SORCS3: variants seen among roughly 807,000 people sequenced by gnomAD.
The protein encoded by SORCS3 is sortilin related VPS10 domain containing receptor 3.
A neutral mutation model predicts 146.3 loss-of-function variants in SORCS3; 57 were observed. The observed-to-expected ratio is 0.39, with a 90% CI of 0.31 to 0.49. The LOEUF is 0.49. SORCS3 is among the 20% of genes least tolerant of loss of function. The pLI is 0.92. For synonymous variants in SORCS3, 653 were observed against 618.5 expected (o/e 1.06, Z -0.83); for missense variants, 1,341 against 1,575.5 (o/e 0.85, Z 2.52).
At position 105,084,875 on chromosome 10, in the gene SORCS3, C is replaced by T. The variant is rs966402244; in HGVS notation, c.1029-4900C>T. Among the ~76,000 whole-genome samples the T allele has an allele frequency of 1.1e-4, 17 of 151,982 alleles. No individual in the cohort carries two copies. In the East Asian group the frequency reaches 1.6e-3, roughly 14 times the overall value. Reference sequence around the variant, plus strand: ...CCTCCCGAGTAGCTGGGACTACAGGCGCCCACCACCATGCCTGGCTGTTTT... The same window carrying T: ...CCTCCCGAGTAGCTGGGACTACAGGTGCCCACCACCATGCCTGGCTGTTTT... On this transcript the variant is annotated intron_variant, in intron 5 of 26. Coordinates refer to ENST00000369701, the MANE Select transcript of SORCS3 (RefSeq NM_014978.3).
intron 9 of SORCS3, among the ~76,000 whole-genome samples, chr10:105,153,941 T>C (rs1204540106): frequency 6.6e-6 from 1 of 151,378 alleles, no homozygotes; most frequent in African/African-American, 2.4e-5. Context: ...ATAGTGACAG[T>C]CACCTATAAT....
At chr10:105,254,381 G>T (rs991699354) in intron 23 of SORCS3, among the ~76,000 whole-genome samples, 1 of 152,200 alleles carries the variant, frequency 6.6e-6, no homozygotes, top group African/African-American at 2.4e-5. Flanking sequence ...AGTGAATTAG[G>T]AGTTGAATGA....
intron 20 of SORCS3, 53 bp downstream of exon 20, chr10:105,223,302 G>C: frequency 6.6e-7 from 1 of 1,515,134 alleles, no homozygotes; most frequent in Non-Finnish European, 8.9e-7. Context: ...ATGCTCCTAT[G>C]TTCCAGCTTT....
chr10:104,921,027 G>T (rs2019081237), intron 3 of SORCS3, among the ~76,000 whole-genome samples: 1 of 152,208 alleles, frequency 6.6e-6, no homozygotes, highest in African/African-American at 2.4e-5. Flanking sequence ...TGAAGATGAG[G>T]AATAGTATAT....
intron 1 of SORCS3, among the ~76,000 whole-genome samples, chr10:104,662,545 A>G (rs1429698040): frequency 6.6e-6 from 1 of 152,232 alleles, no homozygotes; most frequent in African/African-American, 2.4e-5. Flanking sequence ...TACAGAGCCC[A>G]CTTCTCCAAT....
intron 20 of SORCS3, among the ~76,000 whole-genome samples, chr10:105,224,618 G>A (rs1415492620): frequency 2.0e-5 from 3 of 152,080 alleles, no homozygotes; most frequent in Non-Finnish European, 4.4e-5. Context: ...CATGATTTCT[G>A]GATCTTATGG....
At chr10:104,650,964 T>C (rs373142221) in intron 1 of SORCS3, among the ~76,000 whole-genome samples, 1 of 152,240 alleles carries the variant, frequency 6.6e-6, no homozygotes, top group East Asian at 1.9e-4. Flanking sequence ...TAAAAATCTG[T>C]TCTCAGTGGG....
chr10:104,752,041 CTT>C (rs1204062413), intron 1 of SORCS3, among the ~76,000 whole-genome samples: 1 of 130,150 alleles, frequency 7.7e-6, no homozygotes, highest in Non-Finnish European at 1.6e-5. Flanking sequence ...AGTCTTAAAA[CTT>C]TTTTTTTTTG....
intron 3 of SORCS3, among the ~76,000 whole-genome samples, chr10:104,948,757 A>G (rs1047028917): frequency 3.9e-5 from 6 of 152,216 alleles, no homozygotes; most frequent in African/African-American, 1.4e-4. Flanking sequence ...GGGGTTATCA[A>G]ACAGGTCAGA....
chr10:104,932,044 C>G (rs1389890215), intron 3 of SORCS3, among the ~76,000 whole-genome samples: 1 of 152,208 alleles, frequency 6.6e-6, no homozygotes, highest in African/African-American at 2.4e-5. Flanking sequence ...GGAAACTCAG[C>G]TTGAAATAAT....
intron 2 of SORCS3, among the ~76,000 whole-genome samples, chr10:104,863,070 A>C (rs555786563): frequency 1.7e-4 from 26 of 152,286 alleles, no homozygotes; most frequent in Non-Finnish European, 3.2e-4. Flanking sequence ...TCCTTTTTGC[A>C]GAGCGGGAAG....
intron 4 of SORCS3, among the ~76,000 whole-genome samples, chr10:105,021,369 C>T (rs1247592341): frequency 6.6e-6 from 1 of 152,054 alleles, no homozygotes; most frequent in Non-Finnish European, 1.5e-5. Flanking sequence ...CCTTATGAAC[C>T]CAAAACTTCC....
intron 23 of SORCS3, among the ~76,000 whole-genome samples, chr10:105,254,261 C>T (rs2056917719): frequency 6.6e-6 from 1 of 152,160 alleles, no homozygotes; most frequent in African/African-American, 2.4e-5. Flanking sequence ...GCCTACATCC[C>T]CTGTGTCTAT....
chr10:105,041,352 G>A (rs1486011016), intron 4 of SORCS3, among the ~76,000 whole-genome samples: 2 of 146,182 alleles, frequency 1.4e-5, no homozygotes, highest in African/African-American at 5.0e-5. Context: ...CTATAACACA[G>A]CTAGTAGTCA....
At chr10:105,035,093 C>A (rs868298045) in intron 4 of SORCS3, among the ~76,000 whole-genome samples, 2 of 152,208 alleles carry the variant, frequency 1.3e-5, no homozygotes, top group African/African-American at 4.8e-5. Flanking sequence ...TGGCCCTATC[C>A]TCCTCAAACT....
chr10:104,834,811 G>C (rs2018047514), intron 1 of SORCS3, among the ~76,000 whole-genome samples: 2 of 151,542 alleles, frequency 1.3e-5, no homozygotes, highest in South Asian at 4.2e-4. Flanking sequence ...ATACATATTA[G>C]TTTGGTGAAT....
Position 105,155,652 on chromosome 10 carries a change from C to A in SORCS3, c.1483-1486C>A, listed in dbSNP as rs117009728. Among the ~76,000 whole-genome samples, 1,212 of 152,304 alleles carry A rather than the reference C, an allele frequency of 8.0e-3. 9 individuals are homozygous for A. Among genetic ancestry groups the A allele is most frequent in the Middle Eastern group, 0.017 (5 of 294 alleles). On this transcript the variant is annotated intron_variant, in intron 9 of 26. Transcript: ENST00000369701. ...GAGGGGCTCATAGTCCCTAGATGAG[C>A]ATTTGAGATGCTGTCCTTCCTGAAA... is the stretch of plus-strand genomic sequence containing the variant.
chr10:105,058,179 A>G (rs2055458766), intron 5 of SORCS3, among the ~76,000 whole-genome samples: 1 of 152,200 alleles, frequency 6.6e-6, no homozygotes, highest in African/African-American at 2.4e-5. Context: ...TTTTGGATGG[A>G]TGCAAGGAGA....
intron 7 of SORCS3, among the ~76,000 whole-genome samples, chr10:105,125,218 TC>T: frequency 6.6e-6 from 1 of 152,182 alleles, no homozygotes; most frequent in East Asian, 1.9e-4. Flanking sequence ...TCCTAAACCT[TC>T]TTCCCTGGTT....
Sources: allele counts gnomAD v4.1 joint callset (sites outside exome capture counted in the v4.1 genomes callset), GRCh38; gene constraint gnomAD v4.1.1; transcripts MANE v1.5; gene names NCBI Gene and HGNC (gene_info 2026-07-23, HGNC 2026-07-21).